Variants in SEL1L3 observed in about 807,000 individuals in gnomAD.
The protein encoded by SEL1L3 is protein sel-1 homolog 3.
Under a neutral mutation model 142.8 loss-of-function variants are expected in SEL1L3, and 76 were observed. The ratio of observed to expected loss-of-function variants is 0.53; its 90% CI spans 0.44 to 0.64. The LOEUF is 0.64. Among genes scored for constraint, SEL1L3 ranks in the 30% least tolerant of loss-of-function variants. The pLI, the probability that SEL1L3 is intolerant of heterozygous loss-of-function variation, is 0.00. For synonymous variants in SEL1L3, 504 were observed against 519.6 expected (o/e 0.97, Z 0.41); for missense variants, 1,262 against 1,381.7 (o/e 0.91, Z 1.37).
chr4:25,818,275 T>C lies in SEL1L3; in HGVS notation c.1427A>G (p.His476Arg), dbSNP rs1323576592. The change falls in exon 9 of 24, where the codon CAC (histidine) becomes CGC (arginine). Residue 476 changes from histidine (H) to arginine (R), a missense_variant. Transcript: ENST00000399878. ...KHGGERQEAC[H>R]LHNSYLDLQR... ...GAGGTCCAGGTAGGAGTTGTGGAGG[T>C]GGCCTACACAGAAGAGGGAGCAGAA... 6.3e-7 allele frequency: 1 copy of C among 1,597,956 alleles called. No homozygotes were observed. The highest frequency in any genetic ancestry group is 1.1e-5 in the South Asian group (1 of 88,090).
chr4:25,823,958 C>T (rs1427981307), intron 6 of SEL1L3, among the ~76,000 whole-genome samples: 1 of 152,168 alleles, frequency 6.6e-6, no homozygotes, highest in East Asian at 1.9e-4. Context: ...AAGCAAAGCA[C>T]ACAGCCTGGC....
At chr4:25,841,230 C>T (rs1323771397) in intron 2 of SEL1L3, among the ~76,000 whole-genome samples, 1 of 152,150 alleles carries the variant, frequency 6.6e-6, no homozygotes, top group Non-Finnish European at 1.5e-5. Context: ...GATGGGCTTT[C>T]ACCATGTTGG....
At chr4:25,791,911 T>TAA (rs55799752) in intron 11 of SEL1L3, among the ~76,000 whole-genome samples, 2 of 134,484 alleles carry the variant, frequency 1.5e-5, no homozygotes, top group Non-Finnish European at 1.6e-5. Flanking sequence ...AGACTCAGTC[T>TAA]AAAAAAAAAA....
At chr4:25,861,876 G>A (rs561998879) in intron 1 of SEL1L3, 1 of 152,192 alleles carries the variant, frequency 6.6e-6, no homozygotes, top group East Asian at 1.9e-4. Context: ...TCCCCACTTT[G>A]TTCTGAGGGG....
At chr4:25,765,800 G>A (rs777066850) in intron 19 of SEL1L3, among the ~76,000 whole-genome samples, 7 of 151,986 alleles carry the variant, frequency 4.6e-5, no homozygotes, top group Non-Finnish European at 8.8e-5. Flanking sequence ...CACCACGCCC[G>A]GCTAATTTTT....
At chr4:25,754,358 T>A (rs562105847) in intron 23 of SEL1L3, among the ~76,000 whole-genome samples, 1 of 151,012 alleles carries the variant, frequency 6.6e-6, no homozygotes, top group Non-Finnish European at 1.5e-5. Flanking sequence ...CAACTTTTTT[T>A]TTTTTTTTGA....
intron 20 of SEL1L3, among the ~76,000 whole-genome samples, chr4:25,761,420 T>C (rs6857990): frequency 0.8 from 122,198 of 152,084 alleles, 49,489 homozygotes; most frequent in East Asian, 1. Context: ...CCTCCCAAAG[T>C]GCTGGCACTA....
chr4:25,826,092 C>T (rs1425165327), intron 6 of SEL1L3, among the ~76,000 whole-genome samples: 1 of 152,124 alleles, frequency 6.6e-6, no homozygotes, highest in South Asian at 2.1e-4. Context: ...GTTTGTCTCC[C>T]CATCTCAATA....
At chr4:25,816,159 GTATATTATATA>G (rs1238351461) in intron 9 of SEL1L3, among the ~76,000 whole-genome samples, 4 of 144,632 alleles carry the variant, frequency 2.8e-5, no homozygotes, top group African/African-American at 5.1e-5. Context: ...TATTATATAT[GTATATTATATA>G]TACATACACA....
At position 25,788,266 on chromosome 4, in the gene SEL1L3, C is replaced by A. The variant is rs763479910; in HGVS notation, c.2175G>T (p.Glu725Asp). The A allele has an allele frequency of 6.2e-7, 1 of 1,613,962 alleles. No homozygotes were observed. ...EWYAKGALET[E>D]DPALIYDYAI... Reference sequence around the variant, plus strand: ...CATAGTCATAGATTAACGCAGGATCCTCCGTCTCCAGGGCGCCCTTGGCGT... The same window carrying A: ...CATAGTCATAGATTAACGCAGGATCATCCGTCTCCAGGGCGCCCTTGGCGT... Residue 725 changes from glutamate to aspartate, a missense_variant, in exon 13 of 24, where the codon GAG becomes GAT. Physicochemically the swap from Glu to Asp is conservative, Grantham distance 45 (BLOSUM62 2). Coordinates refer to ENST00000399878, the MANE Select transcript of SEL1L3 (RefSeq NM_015187.5). This position sits in a 1 kb window ranked among gnomAD's most constrained non-coding sequence, Gnocchi z 5.3.
At chr4:25,762,869 G>A (rs1449437178) in intron 20 of SEL1L3, among the ~76,000 whole-genome samples, 4 of 151,880 alleles carry the variant, frequency 2.6e-5, no homozygotes, top group Non-Finnish European at 5.9e-5. Context: ...CTAGCTACTC[G>A]GGAGGCTGAG....
chr4:25,822,551 T>C (rs1714831307), intron 6 of SEL1L3, among the ~76,000 whole-genome samples: 1 of 152,226 alleles, frequency 6.6e-6, no homozygotes, highest in Non-Finnish European at 1.5e-5. Context: ...TGGAAATATT[T>C]TGCTTTAAAA....
At chr4:25,859,476 TC>T (rs1284770165) in intron 1 of SEL1L3, among the ~76,000 whole-genome samples, 1 of 152,164 alleles carries the variant, frequency 6.6e-6, no homozygotes, top group African/African-American at 2.4e-5. Context: ...GGTTACTCCG[TC>T]CCAGCCTATG....
chr4:25,746,928 T>A (rs1485107195), downstream of SEL1L3, among the ~76,000 whole-genome samples: 2 of 152,104 alleles, frequency 1.3e-5, no homozygotes, highest in African/African-American at 4.8e-5. Context: ...CTCATAAAAA[T>A]CCCAAGAGGT....
chr4:25,721,970 G>A, the SEL1L3 span, among the ~76,000 whole-genome samples: 3 of 152,136 alleles, frequency 2.0e-5, no homozygotes, highest in African/African-American at 7.2e-5. Flanking sequence ...GTTATATTTT[G>A]TTCCTGGGGG....
chr4:25,753,885 G>A (rs929688384), intron 23 of SEL1L3, among the ~76,000 whole-genome samples: 8 of 152,122 alleles, frequency 5.3e-5, no homozygotes, highest in Non-Finnish European at 1.0e-4. Flanking sequence ...TCAGGAGGCT[G>A]AGGCAGGAGA....
the SEL1L3 span, among the ~76,000 whole-genome samples, chr4:25,730,934 G>A: frequency 1.3e-5 from 2 of 152,162 alleles, no homozygotes; most frequent in East Asian, 1.9e-4. Context: ...AGCAGGCTGA[G>A]GCAGGAGAAT....
chr4:25,844,727 C>A (rs1716397900), intron 2 of SEL1L3, among the ~76,000 whole-genome samples: 1 of 152,174 alleles, frequency 6.6e-6, no homozygotes, highest in Non-Finnish European at 1.5e-5. Context: ...GGAGGTACAG[C>A]AAATTGTGGC....
chr4:25,863,517 G>A (rs994355514), upstream of SEL1L3: 2 of 702,720 alleles, frequency 2.8e-6, no homozygotes, highest in Admixed American at 2.0e-5. Context: ...CGCCATTCCC[G>A]CAGGGCGCAG....
Sources: allele counts gnomAD v4.1 joint callset (sites outside exome capture counted in the v4.1 genomes callset), GRCh38; gene constraint gnomAD v4.1.1; non-coding constraint Gnocchi (gnomAD v3.1); transcripts MANE v1.5; gene names NCBI Gene and HGNC (gene_info 2026-07-23, HGNC 2026-07-21).